AFF3: variants seen among roughly 807,000 people sequenced by gnomAD.
The protein encoded by AFF3 is ALF transcription elongation factor 3.
In AFF3, 32 loss-of-function variants were observed where a neutral mutation model predicts 129.7. The ratio of observed to expected loss-of-function variants is 0.25; its 90% CI spans 0.19 to 0.33. AFF3 has a LOEUF of 0.33. Ranked by LOEUF, AFF3 falls within the 10% of genes least tolerant of loss-of-function variation. AFF3 has a pLI of 1.00. For missense variants in AFF3, 1,373 were observed against 1,592.0 expected, an observed-to-expected ratio of 0.86 and a Z score of 2.34; for synonymous variants, 644 against 635.4, an observed-to-expected ratio of 1.01 and a Z score of -0.20.
At chr2:99,926,513 CACAT>C (rs897013741) in intron 7 of AFF3, among the ~76,000 whole-genome samples, 4 of 152,204 alleles carry the variant, frequency 2.6e-5, no homozygotes, top group African/African-American at 9.7e-5. Flanking sequence ...ATACACATTA[CACAT>C]ACATACATAT....
intron 7 of AFF3, among the ~76,000 whole-genome samples, chr2:99,963,794 T>G (rs1004162387): frequency 1.8e-4 from 28 of 151,832 alleles, no homozygotes; most frequent in African/African-American, 6.0e-4. Context: ...ACCTTAAAAG[T>G]AAATAGTCTT....
intron 8 of AFF3, among the ~76,000 whole-genome samples, chr2:99,824,211 GTTC>G (rs1687907916): frequency 6.6e-6 from 1 of 152,010 alleles, no homozygotes; most frequent in African/African-American, 2.4e-5. Context: ...CACATCCAGG[GTTC>G]AAGTGATTCT....
chr2:99,845,671 C>T (rs557170402), intron 7 of AFF3, among the ~76,000 whole-genome samples: 13 of 152,158 alleles, frequency 8.5e-5, no homozygotes, highest in East Asian at 5.8e-4. Flanking sequence ...TAAAACCCTA[C>T]GTCGTTAATT....
intron 14 of AFF3, among the ~76,000 whole-genome samples, chr2:99,599,523 T>C (rs1679612875): frequency 6.6e-6 from 1 of 152,196 alleles, no homozygotes; most frequent in African/African-American, 2.4e-5. Context: ...CCCAAAGTGC[T>C]GGGATTACAG....
At chr2:99,782,903 A>G (rs1684515288) in intron 8 of AFF3, among the ~76,000 whole-genome samples, 1 of 152,250 alleles carries the variant, frequency 6.6e-6, no homozygotes, top group Non-Finnish European at 1.5e-5. Flanking sequence ...TCTCAAGCAC[A>G]AATATTTTCC....
intron 8 of AFF3, among the ~76,000 whole-genome samples, chr2:99,773,205 C>T (rs1683628124): frequency 6.6e-6 from 1 of 152,162 alleles, no homozygotes; most frequent in Admixed American, 6.5e-5. Context: ...GCACTCAGCC[C>T]ACTGATTGAG....
chr2:100,098,837 A>C (rs2576641), intron 4 of AFF3, among the ~76,000 whole-genome samples: 1 of 77,874 alleles, frequency 1.3e-5, no homozygotes, highest in Non-Finnish European at 2.8e-5. Flanking sequence ...TCCAAAACAC[A>C]CCCCACACGA....
At chr2:99,977,753 G>A (rs1679027450) in intron 7 of AFF3, among the ~76,000 whole-genome samples, 1 of 151,688 alleles carries the variant, frequency 6.6e-6, no homozygotes, top group Non-Finnish European at 1.5e-5. Context: ...CAAGGAGCTG[G>A]AAGTTCAACT....
At chr2:99,589,396 C>CTTTTTTTTTTTTTTTTTTTTTT (rs1559510828) in intron 15 of AFF3, among the ~76,000 whole-genome samples, 1 of 98,372 alleles carries the variant, frequency 1.0e-5, no homozygotes, top group Non-Finnish European at 2.1e-5. Flanking sequence ...AAGATGTCAA[C>CTTTTTTTTTTTTTTTTTTTTTT]ATTTTTTTTT....
At chr2:99,618,721 G>A (rs766538457) in intron 13 of AFF3, among the ~76,000 whole-genome samples, 16 of 152,140 alleles carry the variant, frequency 1.1e-4, no homozygotes, top group Non-Finnish European at 8.8e-5. Context: ...AATTATAAAT[G>A]TTTTCTCAGG....
At chr2:99,569,165 C>T (rs1007291183) in intron 18 of AFF3, among the ~76,000 whole-genome samples, 4 of 152,080 alleles carry the variant, frequency 2.6e-5, no homozygotes, top group African/African-American at 9.7e-5. Flanking sequence ...TTTAACATGG[C>T]CCCCTAGGGC....
At chr2:100,109,637 C>G (rs1691445397) in intron 2 of AFF3, among the ~76,000 whole-genome samples, 1 of 152,194 alleles carries the variant, frequency 6.6e-6, no homozygotes, top group Admixed American at 6.5e-5. Context: ...TTCAAGGACT[C>G]TGAATCTGTT....
intron 11 of AFF3, among the ~76,000 whole-genome samples, chr2:99,682,760 A>T (rs954609929): frequency 6.6e-6 from 1 of 152,174 alleles, no homozygotes; most frequent in Non-Finnish European, 1.5e-5. Flanking sequence ...TTTTTGGTTA[A>T]ATGTTGCCAG....
At chr2:99,877,288 T>C (rs920318421) in intron 7 of AFF3, among the ~76,000 whole-genome samples, 2 of 151,884 alleles carry the variant, frequency 1.3e-5, no homozygotes, top group Non-Finnish European at 2.9e-5. Context: ...GAGGGGGAGA[T>C]GTAATCGGTA....
At chr2:99,816,578 T>C (rs1444797567) in intron 8 of AFF3, among the ~76,000 whole-genome samples, 1 of 152,202 alleles carries the variant, frequency 6.6e-6, no homozygotes, top group Non-Finnish European at 1.5e-5. Flanking sequence ...TGCTTGGCTA[T>C]GAGTGTCCCT....
chr2:99,578,843 C>T (rs1677240561), intron 17 of AFF3, among the ~76,000 whole-genome samples: 1 of 152,240 alleles, frequency 6.6e-6, no homozygotes, highest in African/African-American at 2.4e-5. Context: ...TCATCAGCAT[C>T]CTCCAGGGGG....
At chr2:99,563,252 G>A (rs538621232) in intron 20 of AFF3, among the ~76,000 whole-genome samples, 5 of 151,370 alleles carry the variant, frequency 3.3e-5, no homozygotes, top group Admixed American at 6.6e-5. Context: ...GTGCAGTGGC[G>A]CGATCTTGGC....
chr2:100,032,856 C>CTATAAGTAATAAGAAAAATTATTTAT (rs1684614743), intron 4 of AFF3, among the ~76,000 whole-genome samples: 1 of 151,998 alleles, frequency 6.6e-6, no homozygotes, highest in Non-Finnish European at 1.5e-5. Context: ...TACCTATTTA[C>CTATAAGTAATAAGAAAAATTATTTAT]TATAAGTAAT....
intron 24 of AFF3, among the ~76,000 whole-genome samples, chr2:99,553,917 CCAAAAAAAA>C (rs1324219814): frequency 4.4e-3 from 316 of 72,438 alleles, no homozygotes; most frequent in Admixed American, 0.014. Context: ...CTGTCTCAAA[CCAAAAAAAA>C]AAAAAAAAAA....
Sources: allele counts gnomAD v4.1 joint callset (sites outside exome capture counted in the v4.1 genomes callset), GRCh38; gene constraint gnomAD v4.1.1; transcripts MANE v1.5; gene names NCBI Gene and HGNC (gene_info 2026-07-23, HGNC 2026-07-21).